The following RANBP17 variants were observed in gnomAD, a reference collection of about 807,000 sequenced individuals.
RANBP17 encodes ran-binding protein 17.
In RANBP17, 158 loss-of-function variants were observed where a neutral mutation model predicts 141.2. The observed-to-expected ratio is 1.12, with a 90% CI of 0.98 to 1.28. RANBP17 has a LOEUF of 1.28. RANBP17 is among the 50% of genes most tolerant of loss of function. The pLI is 0.00. For missense variants in RANBP17, 1,438 were observed against 1,290.7 expected (o/e 1.11, Z -1.75); for synonymous variants, 430 against 450.0 (o/e 0.96, Z 0.56).
intron 12 of RANBP17, among the ~76,000 whole-genome samples, chr5:170,941,075 C>T (rs1269106306): frequency 2.6e-5 from 4 of 151,798 alleles, no homozygotes; most frequent in Non-Finnish European, 5.9e-5. Context: ...ACACATAATA[C>T]AGAAATACAA....
At chr5:171,147,339 T>TTGTGTGTGTG (rs59202388) in intron 14 of RANBP17, among the ~76,000 whole-genome samples, 10,452 of 104,614 alleles carry the variant, frequency 0.1, 646 homozygotes, top group East Asian at 0.13. Context: ...CTTGGTTGTT[T>TTGTGTGTGTG]TGTGTGTGTG....
intron 14 of RANBP17, among the ~76,000 whole-genome samples, chr5:171,070,140 C>T (rs1310900250): frequency 6.6e-6 from 1 of 152,068 alleles, no homozygotes; most frequent in African/African-American, 2.4e-5. Flanking sequence ...TAAGCAAGTT[C>T]TATTAATTAG....
intron 14 of RANBP17, among the ~76,000 whole-genome samples, chr5:171,112,662 T>G (rs1252149965): frequency 6.6e-6 from 1 of 152,022 alleles, no homozygotes; most frequent in Admixed American, 6.6e-5. Flanking sequence ...TAAAGAGTTC[T>G]TATAACCAAA....
rs2127497751 is a variant in RANBP17 at position 170,954,258 on chromosome 5, C to T, written c.1574+556C>T. Among the ~76,000 whole-genome samples, 3 of 152,180 alleles carry T rather than the reference C, an allele frequency of 2.0e-5. No individual in the cohort carries two copies. In the South Asian group the frequency reaches 6.2e-4, roughly 32 times the overall value. The stretch of plus-strand genomic sequence containing the variant: ...TACATGTTTTTATTGAAGACTTAAA[C>T]ATTCAAATGAAAATAAAAATTATAT... On this transcript the variant is annotated intron_variant, in intron 13 of 27. Transcript: ENST00000523189.
intron 25 of RANBP17, among the ~76,000 whole-genome samples, chr5:171,282,935 C>T (rs901224277): frequency 9.2e-5 from 14 of 152,202 alleles, no homozygotes; most frequent in Middle Eastern, 3.4e-3. Context: ...ACAAGATCTG[C>T]GCCCAACCTA....
Position 170,862,047 on chromosome 5 carries a change from TC to T in RANBP17, c.16del (p.Gln6ArgfsTer15). 6.8e-7 allele frequency: 1 copy of T among 1,463,876 alleles called. No homozygotes were observed. The highest frequency in any genetic ancestry group is 9.0e-7 in the Non-Finnish European group (1 of 1,114,976). The allele number at this position is 1,463,876 out of a possible 1,614,324, so 90.7% of individuals were successfully genotyped here. A position where few individuals can be genotyped will look rare whatever the true frequency, so the allele number is the denominator to read the frequency against. The stretch of plus-strand genomic sequence containing the variant: ...CCTCCTGGGAAGATGGCGCTGCACT[TC>T]CAGGTCAGTGTGCTCTGCGCCGCGG... MALHFQSLAELEVLC... is the reference protein window; with the variant it reads MALHXQSLAELEVLC... On this transcript the variant is annotated frameshift_variant, in exon 1 of 28. Transcript: ENST00000523189. LOFTEE classifies it high-confidence loss of function.
chr5:171,065,953 C>T (rs1182700702), intron 14 of RANBP17, among the ~76,000 whole-genome samples: 2 of 151,492 alleles, frequency 1.3e-5, no homozygotes, highest in Admixed American at 6.6e-5. Context: ...CTCTGCCTCC[C>T]GGGTTCAAGT....
At chr5:170,911,508 C>T in intron 7 of RANBP17, 1 of 717,830 alleles carries the variant, frequency 1.4e-6, no homozygotes, top group Non-Finnish European at 2.6e-6. Context: ...TCTTCAGGAT[C>T]AGTGTTAGCA....
At position 171,088,695 on chromosome 5, in the gene RANBP17, C is replaced by T. The variant is rs201739421; in HGVS notation, c.1711-81435C>T. 4.8e-4 allele frequency among the ~76,000 whole-genome samples: 73 copies of T among 152,162 alleles called. 1 individual carries two copies. The East Asian group carries it at 0.011, about 23-fold the overall frequency. On this transcript the variant is annotated intron_variant, in intron 14 of 27. Transcript: ENST00000523189. The stretch of plus-strand genomic sequence containing the variant: ...TCTTTTTTCTCTAAACTTCCCTTCT[C>T]GCTTGATTTCGTTCATTTCATCTTC...
intron 22 of RANBP17, among the ~76,000 whole-genome samples, chr5:171,224,211 G>A (rs1763751945): frequency 6.6e-6 from 1 of 152,134 alleles, no homozygotes; most frequent in African/African-American, 2.4e-5. Context: ...TGTAGCCAGT[G>A]ATTAGTTTTT....
intron 12 of RANBP17, among the ~76,000 whole-genome samples, chr5:170,951,468 G>A (rs539934223): frequency 2.6e-5 from 4 of 152,172 alleles, no homozygotes; most frequent in African/African-American, 7.2e-5. Flanking sequence ...AAAACATTAT[G>A]CTGACTTGAA....
Position 171,242,756 on chromosome 5 carries a change from C to T in RANBP17, c.2712C>T (p.Ile904=), listed in dbSNP as rs554888397. The change falls in exon 24 of 28, where the codon ATC becomes ATT. Residue 904 remains isoleucine, a synonymous_variant. Coordinates refer to ENST00000523189, the MANE Select transcript of RANBP17 (RefSeq NM_022897.5). ...CLTQDHMSFI[I]NLEPPVLMYV... ...CTCAGGACCATATGAGCTTCATCAT[C>T]AACTTAGAGCCTCCTGTACTCATGT... The T allele has an allele frequency of 6.2e-7, 1 of 1,613,526 alleles. No homozygotes were observed. Among genetic ancestry groups the T allele is most frequent in the East Asian group, 2.2e-5 (1 of 44,834 alleles).
At chr5:170,879,289 CT>C (rs1768459778) in intron 2 of RANBP17, among the ~76,000 whole-genome samples, 1 of 152,030 alleles carries the variant, frequency 6.6e-6, no homozygotes, top group Non-Finnish European at 1.5e-5. Context: ...TGATATTTGC[CT>C]TTTAGCATGT....
chr5:171,190,481 G>T (rs546386795), intron 18 of RANBP17, among the ~76,000 whole-genome samples: 1 of 152,158 alleles, frequency 6.6e-6, no homozygotes, highest in East Asian at 1.9e-4. Flanking sequence ...AGGTTTTTTT[G>T]GTGTTCGAAG....
chr5:171,119,851 C>T (rs1298641040), intron 14 of RANBP17, among the ~76,000 whole-genome samples: 4 of 151,828 alleles, frequency 2.6e-5, no homozygotes, highest in Non-Finnish European at 5.9e-5. Context: ...ACCAGCCTGA[C>T]CAACATGGAG....
chr5:171,025,614 T>A (rs1781186276), intron 14 of RANBP17, among the ~76,000 whole-genome samples: 1 of 151,458 alleles, frequency 6.6e-6, no homozygotes, highest in Non-Finnish European at 1.5e-5. Flanking sequence ...ATATCACTGT[T>A]ACCCAGGCTG....
At chr5:171,212,847 T>C (rs1345276796) in intron 20 of RANBP17, among the ~76,000 whole-genome samples, 2 of 152,206 alleles carry the variant, frequency 1.3e-5, no homozygotes, top group Admixed American at 6.5e-5. Flanking sequence ...GGCAAGGAGA[T>C]ACCCAGTGTA....
chr5:170,937,448 T>C (rs1033047379), intron 12 of RANBP17, among the ~76,000 whole-genome samples: 1 of 152,238 alleles, frequency 6.6e-6, no homozygotes, highest in South Asian at 2.1e-4. Flanking sequence ...GCTCAAACTC[T>C]AGTTGTTTCT....
chr5:171,028,698 C>A (rs1781373451), intron 14 of RANBP17, among the ~76,000 whole-genome samples: 3 of 152,094 alleles, frequency 2.0e-5, no homozygotes, highest in Admixed American at 2.0e-4. Context: ...GCTTTTGATA[C>A]CTTGATACCT....
Sources: allele counts gnomAD v4.1 joint callset (sites outside exome capture counted in the v4.1 genomes callset), GRCh38; gene constraint gnomAD v4.1.1; transcripts MANE v1.5; gene names NCBI Gene and HGNC (gene_info 2026-07-23, HGNC 2026-07-21).